Variants in SLC38A2 observed in about 807,000 individuals in gnomAD.
SLC38A2 encodes solute carrier family 38 member 2.
Under a neutral mutation model 61.5 loss-of-function variants are expected in SLC38A2, and 11 were observed. The observed-to-expected ratio is 0.18, with a 90% CI of 0.11 to 0.30. The LOEUF (loss-of-function observed/expected upper bound fraction) is 0.30. SLC38A2 is among the 10% of genes least tolerant of loss of function. SLC38A2 has a pLI of 1.00. For synonymous variants in SLC38A2, 217 were observed against 212.5 expected, an observed-to-expected ratio of 1.02 and a Z score of -0.18; for missense variants, 522 against 600.4, an observed-to-expected ratio of 0.87 and a Z score of 1.36.
chr12:46,364,811 A>G (rs189623665), intron 8 of SLC38A2, 109 bp from the exon 9 acceptor site: 127 of 1,031,846 alleles, frequency 1.2e-4, no homozygotes, highest in Middle Eastern at 2.2e-4. Flanking sequence ...TTTAGGCACT[A>G]AAGTATGTGT....
chr12:46,371,605 C>G, intron 1 of SLC38A2: 1 of 336,700 alleles, frequency 3.0e-6, no homozygotes, highest in Non-Finnish European at 5.4e-6. Context: ...GTCGAGGCCC[C>G]CTACTCCGGC....
intron 10 of SLC38A2, 46 bp from the exon 11 acceptor site, chr12:46,364,049 A>C: frequency 1.8e-4 from 259 of 1,466,624 alleles, no homozygotes; most frequent in Non-Finnish European, 2.2e-4. Context: ...TAACGAACTC[A>C]TGCTGTCACA....
chr12:46,361,135 G>A lies in SLC38A2; in HGVS notation c.1497C>T (p.His499=). Residue 499 remains histidine (H), a synonymous_variant, in exon 16 of 16, where the codon CAC becomes CAT. Transcript: ENST00000256689. ...SMALIVLDWV[H]NAPGGGH ...ATTAATGGCCACCTCCAGGTGCATT[G>A]TGTACCCAATCCAAAACAATCAAGG... The A allele has an allele frequency of 6.2e-7, 1 of 1,613,526 alleles. No individual in the cohort carries two copies. Among genetic ancestry groups the A allele is most frequent in the Non-Finnish European group, 8.5e-7 (1 of 1,179,658 alleles).
At position 46,366,984 on chromosome 12, in the gene SLC38A2, C is replaced by T. The variant is rs762410700; in HGVS notation, c.482-39G>A. The T allele has an allele frequency of 1.8e-5, 29 of 1,608,776 alleles. No individual in the cohort carries two copies. The South Asian group carries it at 2.1e-4, about 12-fold the overall frequency. On this transcript the variant is annotated intron_variant, in intron 6 of 15. Coordinates refer to ENST00000256689, the MANE Select transcript of SLC38A2 (RefSeq NM_018976.5). Reference sequence around the variant, plus strand: ...AAATTATACCATTACAAGTGCAAAACGCGGCACGTGACACTAAAACGCATG... The same window carrying T: ...AAATTATACCATTACAAGTGCAAAATGCGGCACGTGACACTAAAACGCATG...
At chr12:46,364,270 G>C in intron 10 of SLC38A2, 119 bp downstream of exon 10, 1 of 1,085,120 alleles carries the variant, frequency 9.2e-7, no homozygotes, top group Non-Finnish European at 1.3e-6. Context: ...TCAATAATTA[G>C]CTAATCACAT....
rs1017784149 is a variant in SLC38A2, at chr12:46,372,764, G to T, written c.-342C>A. On this transcript the variant is annotated 5_prime_UTR_variant, in exon 1 of 16. Coordinates refer to ENST00000256689, the MANE Select transcript of SLC38A2 (RefSeq NM_018976.5). ...AAAGGCGTTCTAAGGCGGCGGCGTC[G>T]CGCGGCTGTGGAGCAGCCCTGCGAG... 7 of 398,138 alleles carry T rather than the reference G, an allele frequency of 1.8e-5. No homozygotes were observed. Among genetic ancestry groups the T allele is most frequent in the Non-Finnish European group, 3.1e-5 (7 of 225,794 alleles). 24.7% of individuals were successfully genotyped at this position (398,138 alleles called of 1,614,324 possible). A position where few individuals can be genotyped will look rare whatever the true frequency, so the allele number is the denominator to read the frequency against.
intron 4 of SLC38A2, among the ~76,000 whole-genome samples, chr12:46,368,095 A>C (rs1943157625): frequency 6.6e-6 from 1 of 152,146 alleles, no homozygotes; most frequent in Non-Finnish European, 1.5e-5. Flanking sequence ...GGAGGACAAA[A>C]TGAAATACTG....
At chr12:46,371,114 T>G (rs1592208109) in intron 2 of SLC38A2, 64 bp downstream of exon 2, 1 of 1,319,472 alleles carries the variant, frequency 7.6e-7, no homozygotes, top group East Asian at 2.3e-5. Flanking sequence ...AGCAGAGTCC[T>G]AGGTAACTCC....
At chr12:46,364,364 T>C (rs1316797780) in intron 10 of SLC38A2, 25 bp downstream of exon 10, 2 of 1,542,686 alleles carry the variant, frequency 1.3e-6, no homozygotes, top group South Asian at 1.3e-5. Flanking sequence ...ACTCTTCTTT[T>C]GAGAAAATAA....
At chr12:46,365,336 T>G (rs1943128869) in intron 7 of SLC38A2, 147 bp from the exon 8 acceptor site, 1 of 688,256 alleles carries the variant, frequency 1.5e-6, no homozygotes, top group Non-Finnish European at 2.6e-6. Flanking sequence ...CTGTTCAAGA[T>G]AGGAATAACT....
At position 46,361,034 on chromosome 12, in the gene SLC38A2, T is replaced by C. The variant is rs369429447; in HGVS notation, c.*77A>G. 48 of 1,081,148 alleles carry C rather than the reference T, an allele frequency of 4.4e-5. No individual in the cohort carries two copies. In the African/African-American group the frequency reaches 7.1e-4, roughly 16 times the overall value. The allele number at this position is 1,081,148 out of a possible 1,614,324, so 67.0% of individuals were successfully genotyped here. ...CAAAAGGAAGTGAAACTGAAAACAT[T>C]AGGTGAAATTTCATAGTAGTTGAGT... is the stretch of plus-strand genomic sequence containing the variant. On this transcript the variant is annotated 3_prime_UTR_variant, in exon 16 of 16. Coordinates refer to ENST00000256689, the MANE Select transcript of SLC38A2 (RefSeq NM_018976.5).
At chr12:46,363,281 T>C (rs1455046778) in intron 12 of SLC38A2, 136 bp from the exon 13 acceptor site, 2 of 1,097,814 alleles carry the variant, frequency 1.8e-6, no homozygotes, top group Non-Finnish European at 1.3e-6. Context: ...TAAGATTTGT[T>C]TGGAATTATA....
At position 46,358,767 on chromosome 12, in the gene SLC38A2, G is replaced by T. The variant is rs911655291; in HGVS notation, c.*2344C>A. 4 of 152,550 alleles carry T rather than the reference G, an allele frequency of 2.6e-5. No individual in the cohort carries two copies. The highest frequency in any genetic ancestry group is 4.4e-5 in the Non-Finnish European group (3 of 68,018). 9.4% of individuals were successfully genotyped at this position (152,550 alleles called of 1,614,324 possible). A position where few individuals can be genotyped will look rare whatever the true frequency, so the allele number is the denominator to read the frequency against. On this transcript the variant is annotated 3_prime_UTR_variant, in exon 16 of 16. Coordinates refer to ENST00000256689, the MANE Select transcript of SLC38A2 (RefSeq NM_018976.5). Reference sequence around the variant, plus strand: ...GATTATCATAAATATTGAAAAATAGGTTAGCTTTAATGGATTAATGTTGTT... The same window carrying T: ...GATTATCATAAATATTGAAAAATAGTTTAGCTTTAATGGATTAATGTTGTT...
Position 46,362,202 on chromosome 12 carries a change from A to G in SLC38A2, c.1422+82T>C, listed in dbSNP as rs1029332794. The G allele has an allele frequency of 1.2e-5, 13 of 1,107,764 alleles. No homozygotes were observed. The Admixed American group carries it at 3.8e-4, about 32-fold the overall frequency. 68.6% of individuals were successfully genotyped at this position (1,107,764 alleles called of 1,614,324 possible). A position where few individuals can be genotyped will look rare whatever the true frequency, so the allele number is the denominator to read the frequency against. ...CTTAAAAGTGAAACCATAACAAATA[A>G]CAGCTATGAGAATAAAATTAAAATC... On this transcript the variant is annotated intron_variant, in intron 15 of 15. Coordinates refer to ENST00000256689, the MANE Select transcript of SLC38A2 (RefSeq NM_018976.5).
In SLC38A2 at chr12:46,371,195, C is replaced by A; in HGVS notation, c.99G>T (p.Lys33Asn). The A allele has an allele frequency of 6.2e-7, 1 of 1,614,178 alleles. No homozygotes were observed. The highest frequency in any genetic ancestry group is 1.1e-5 in the South Asian group (1 of 91,092). The change falls in exon 2 of 16, where the codon AAG becomes AAT. Residue 33 changes from lysine to asparagine, a missense_variant. Lys to Asn is a moderately conservative substitution (Grantham distance 94, BLOSUM62 0). Coordinates refer to ENST00000256689, the MANE Select transcript of SLC38A2 (RefSeq NM_018976.5). ...TCTCCCACCTTTTCAGAGCAGCTTG[C>A]TTGGTGGGGTAGGAGTAGTTGAAGT... Reference protein sequence around the residue: ...NSDFNYSYPTKQAALKSHYAD... With the variant: ...NSDFNYSYPTNQAALKSHYAD...
At position 46,372,763 on chromosome 12, in the gene SLC38A2, CG is replaced by C. The variant is rs1555200256; in HGVS notation, c.-342del. ...GAAAGGCGTTCTAAGGCGGCGGCGT[CG>C]CGCGGCTGTGGAGCAGCCCTGCGAG... On this transcript the variant is annotated 5_prime_UTR_variant, in exon 1 of 16. Transcript: ENST00000256689. The C allele has an allele frequency of 7.5e-6, 3 of 398,182 alleles. No homozygotes were observed. Among genetic ancestry groups the C allele is most frequent in the Non-Finnish European group, 1.3e-5 (3 of 225,828 alleles). The allele number at this position is 398,182 out of a possible 1,614,324, so 24.7% of individuals were successfully genotyped here.
chr12:46,366,803 A>G (rs1943143132), intron 7 of SLC38A2, 61 bp downstream of exon 7: 2 of 1,427,890 alleles, frequency 1.4e-6, no homozygotes, highest in East Asian at 2.3e-5. Context: ...CTTTGATAAA[A>G]ATGTATCTAA....
At chr12:46,362,920 G>T in intron 13 of SLC38A2, 101 bp downstream of exon 13, 2 of 1,444,898 alleles carry the variant, frequency 1.4e-6, no homozygotes, top group Non-Finnish European at 1.9e-6. Flanking sequence ...ACTTAGTATT[G>T]TTCTACTGGT....
chr12:46,362,407 G>A, intron 14 of SLC38A2, 26 bp from the exon 15 acceptor site: 2 of 1,601,974 alleles, frequency 1.2e-6, no homozygotes, highest in Non-Finnish European at 1.7e-6. Context: ...TATGTTTCTT[G>A]AGGATTCAAT....
Sources: gnomAD v4.1 joint callset for allele counts (sites outside exome capture counted in the v4.1 genomes callset) on GRCh38, gnomAD v4.1.1 for gene constraint, MANE v1.5 for transcripts, NCBI Gene and HGNC (gene_info 2026-07-23, HGNC 2026-07-21) for gene names.